The following AAGAB variants were observed in gnomAD, a reference collection of about 807,000 sequenced individuals.
AAGAB encodes alpha and gamma adaptin binding protein, also known as alpha- and gamma-adaptin-binding protein p34.
AAGAB carries 38 observed loss-of-function variants against 44.1 expected under a neutral mutation model. The observed-to-expected ratio is 0.86, with a 90% CI of 0.67 to 1.13. The LOEUF is 1.13. Ranked by LOEUF, AAGAB falls within the 50% of genes most tolerant of loss-of-function variation. The pLI is 0.00. For synonymous variants in AAGAB, 131 were observed against 131.8 expected, an observed-to-expected ratio of 0.99 and a Z score of 0.04; for missense variants, 450 against 373.8, an observed-to-expected ratio of 1.20 and a Z score of -1.68.
At chr15:67,242,968 T>TACACTCTAAATTCGCAAA (rs1404511302) in intron 1 of AAGAB, 8 of 152,202 alleles carry the variant, frequency 5.3e-5, no homozygotes, top group Admixed American at 4.6e-4. Context: ...TTTCTCTGGT[T>TACACTCTAAATTCGCAAA]ACACTCTAAA....
chr15:67,247,136 A>C (rs1033045917), intron 1 of AAGAB, among the ~76,000 whole-genome samples: 2 of 152,106 alleles, frequency 1.3e-5, no homozygotes, highest in Admixed American at 1.3e-4. Context: ...TGTAACACTC[A>C]CGGCGAAGGT....
rs970949211 is a variant in AAGAB at position 67,201,043 on chromosome 15, C to T, written c.*1778G>A. On this transcript the variant is annotated 3_prime_UTR_variant, in exon 10 of 10. Coordinates refer to ENST00000261880, the MANE Select transcript of AAGAB (RefSeq NM_024666.5). ...ATTAGCACAGTTTATAAATAAATCACATTTTAATCATCTGGCTTTGTTTAA... is the reference window on the plus strand; with the variant it reads ...ATTAGCACAGTTTATAAATAAATCATATTTTAATCATCTGGCTTTGTTTAA... 6.6e-6 allele frequency: 1 copy of T among 152,340 alleles called. No homozygotes were observed. The highest frequency in any genetic ancestry group is 2.4e-5 in the African/African-American group (1 of 41,456). The allele number at this position is 152,340 out of a possible 1,614,324, so 9.4% of individuals were successfully genotyped here. A position where few individuals can be genotyped will look rare whatever the true frequency, so the allele number is the denominator to read the frequency against.
intron 4 of AAGAB, among the ~76,000 whole-genome samples, chr15:67,234,796 CAA>C (rs1964423735): frequency 3.3e-5 from 5 of 152,234 alleles, no homozygotes; most frequent in Admixed American, 3.3e-4. Flanking sequence ...AAACAGGGCA[CAA>C]GTTTCAGGGA....
At chr15:67,235,134 C>T (rs1964430655) in intron 4 of AAGAB, among the ~76,000 whole-genome samples, 1 of 152,206 alleles carries the variant, frequency 6.6e-6, no homozygotes, top group African/African-American at 2.4e-5. Context: ...GCAGTCCTCT[C>T]ACTACAAGCC....
chr15:67,237,601 A>T (rs1468169867), intron 1 of AAGAB, among the ~76,000 whole-genome samples: 1 of 152,172 alleles, frequency 6.6e-6, no homozygotes, highest in Non-Finnish European at 1.5e-5. Flanking sequence ...GAGCCATGGA[A>T]GCATTTTGCT....
At chr15:67,218,439 G>GAAAC (rs34755684) in intron 5 of AAGAB, among the ~76,000 whole-genome samples, 1,798 of 151,612 alleles carry the variant, frequency 0.012, 20 homozygotes, top group Non-Finnish European at 0.015. Flanking sequence ...AACCTAGCCT[G>GAAAC]AAACAAACAA....
intron 1 of AAGAB, among the ~76,000 whole-genome samples, chr15:67,239,385 A>G (rs911248619): frequency 6.6e-6 from 1 of 152,232 alleles, no homozygotes; most frequent in Non-Finnish European, 1.5e-5. Flanking sequence ...TACAATTTCA[A>G]TTTTATACTT....
At chr15:67,233,525 C>T (rs775309038) in intron 4 of AAGAB, among the ~76,000 whole-genome samples, 9 of 152,108 alleles carry the variant, frequency 5.9e-5, no homozygotes, top group Non-Finnish European at 7.4e-5. Context: ...GAAAGTTTCC[C>T]GAGTTTACAG....
chr15:67,209,325 C>T (rs1827427673), intron 6 of AAGAB, 137 bp downstream of exon 6: 2 of 801,058 alleles, frequency 2.5e-6, no homozygotes, highest in Non-Finnish European at 4.2e-6. Flanking sequence ...CTGTTTTAGA[C>T]CTTCCTTTCA....
At chr15:67,205,753 GAC>G (rs1963670871) in intron 7 of AAGAB, among the ~76,000 whole-genome samples, 1 of 152,202 alleles carries the variant, frequency 6.6e-6, no homozygotes, top group East Asian at 1.9e-4. Flanking sequence ...AGGGGCAAAA[GAC>G]AGACATGAGT....
chr15:67,207,328 GTA>G (rs971939299), intron 7 of AAGAB, among the ~76,000 whole-genome samples: 5 of 152,134 alleles, frequency 3.3e-5, no homozygotes, highest in African/African-American at 9.7e-5. Flanking sequence ...ATATATGTGT[GTA>G]TACTAATACA....
chr15:67,217,569 C>T (rs975367241), intron 5 of AAGAB, among the ~76,000 whole-genome samples: 6 of 152,084 alleles, frequency 3.9e-5, no homozygotes, highest in East Asian at 1.9e-4. Flanking sequence ...AATGGAGTCT[C>T]GCTCTATCAC....
chr15:67,228,451 A>G (rs1332748261), intron 5 of AAGAB, among the ~76,000 whole-genome samples: 1 of 152,232 alleles, frequency 6.6e-6, no homozygotes, highest in Non-Finnish European at 1.5e-5. Context: ...TATTGTGGCT[A>G]TGATTAAAAA....
Position 67,239,148 on chromosome 15 carries a change from G to C in AAGAB, c.74-2328C>G, listed in dbSNP as rs576493275. Among the ~76,000 whole-genome samples, 9 of 152,228 alleles carry C rather than the reference G, an allele frequency of 5.9e-5. No homozygotes were observed. The South Asian group carries it at 1.9e-3, about 32-fold the overall frequency. Reference sequence around the variant, plus strand: ...CCTGTCATTGCTATAATCAGTTCTTGATATTTCCTAAATTGGTTGTATTGT... The same window carrying C: ...CCTGTCATTGCTATAATCAGTTCTTCATATTTCCTAAATTGGTTGTATTGT... On this transcript the variant is annotated intron_variant, in intron 1 of 9. Transcript: ENST00000261880.
At chr15:67,215,252 C>T (rs35997299) in intron 5 of AAGAB, among the ~76,000 whole-genome samples, 31,772 of 152,154 alleles carry the variant, frequency 0.21, 4,050 homozygotes, top group East Asian at 0.47. Flanking sequence ...GGTTCTTCTA[C>T]ACCGCACAGC....
chr15:67,226,167 CTGTT>C (rs1964200004), intron 5 of AAGAB, among the ~76,000 whole-genome samples: 1 of 151,906 alleles, frequency 6.6e-6, no homozygotes, highest in Non-Finnish European at 1.5e-5. Context: ...GGGTCTCACT[CTGTT>C]GCCCAGGCTG....
chr15:67,216,369 G>A (rs1345005216), intron 5 of AAGAB, among the ~76,000 whole-genome samples: 1 of 149,820 alleles, frequency 6.7e-6, no homozygotes, highest in Non-Finnish European at 1.5e-5. Context: ...TTGAACCCGG[G>A]AGGTGGAGGT....
chr15:67,249,279 C>A (rs1469954199), intron 1 of AAGAB, among the ~76,000 whole-genome samples: 1 of 152,174 alleles, frequency 6.6e-6, no homozygotes, highest in Non-Finnish European at 1.5e-5. Flanking sequence ...AGGTGATCAG[C>A]CCCCCTCGGA....
upstream of AAGAB, chr15:67,254,830 CT>C: frequency 6.5e-7 from 1 of 1,533,752 alleles, no homozygotes; most frequent in Non-Finnish European, 8.9e-7. Context: ...GGACGAGCGG[CT>C]CCGGCTGAAG....
Sources: gnomAD v4.1 joint callset for allele counts (sites outside exome capture counted in the v4.1 genomes callset) on GRCh38, gnomAD v4.1.1 for gene constraint, MANE v1.5 for transcripts, NCBI Gene and HGNC (gene_info 2026-07-23, HGNC 2026-07-21) for gene names.